PCDHGA6: variants seen among roughly 807,000 people sequenced by gnomAD.
The protein encoded by PCDHGA6 is protocadherin gamma-A6.
Under a neutral mutation model 60.6 loss-of-function variants are expected in PCDHGA6, and 41 were observed. The ratio of observed to expected loss-of-function variants is 0.68; its 90% CI spans 0.53 to 0.88. PCDHGA6 has a LOEUF of 0.88. Ranked by LOEUF, PCDHGA6 falls within the 40% of genes least tolerant of loss-of-function variation. The pLI, the probability that PCDHGA6 is intolerant of heterozygous loss-of-function variation, is 0.00. For synonymous variants in PCDHGA6, 594 were observed against 524.4 expected (o/e 1.13, Z -1.81); for missense variants, 1,312 against 1,203.0 (o/e 1.09, Z -1.34).
intron 1 of PCDHGA6, chr5:141,420,076 T>C (rs764381539): frequency 3.3e-5 from 53 of 1,613,956 alleles, no homozygotes; most frequent in Non-Finnish European, 4.5e-5. Context: ...GACCTGTGGG[T>C]CCCCCCAACT....
chr5:141,430,485 G>T (rs926788879), intron 1 of PCDHGA6: 2 of 252,972 alleles, frequency 7.9e-6, no homozygotes, highest in Non-Finnish European at 7.4e-6. Flanking sequence ...ATATAAAAAC[G>T]AAATATCCTT....
At chr5:141,413,229 C>A in intron 1 of PCDHGA6, 1 of 1,613,914 alleles carries the variant, frequency 6.2e-7, no homozygotes, top group South Asian at 1.1e-5. Context: ...GCGGGCTGGT[C>A]CTGCTCTGCC....
At chr5:141,393,754 T>G in intron 1 of PCDHGA6, 1 of 1,613,892 alleles carries the variant, frequency 6.2e-7, no homozygotes, top group Non-Finnish European at 8.5e-7. Flanking sequence ...GAATGTTCAT[T>G]TTATGAAATG....
At position 141,373,942 on chromosome 5, in the gene PCDHGA6, G is replaced by A. The variant is rs915722802; in HGVS notation, c.-142G>A. 1.4e-6 allele frequency: 1 copy of A among 734,324 alleles called. No individual in the cohort carries two copies. Among genetic ancestry groups the A allele is most frequent in the African/African-American group, 1.8e-5 (1 of 55,642 alleles). The allele number at this position is 734,324 out of a possible 1,614,324, so 45.5% of individuals were successfully genotyped here. ...AATTAGACGGGAAAGCAGGAAAGCT[G>A]TGCAGAAATTCTGACCTGAAACGCT... On this transcript the variant is annotated 5_prime_UTR_variant, in exon 1 of 4. In the 5' UTR this introduces an upstream ATG that the reference lacks. Coordinates refer to ENST00000517434, the MANE Select transcript of PCDHGA6 (RefSeq NM_018919.3).
chr5:141,455,055 G>T (rs1019622889), intron 1 of PCDHGA6, among the ~76,000 whole-genome samples: 1 of 151,602 alleles, frequency 6.6e-6, no homozygotes, highest in African/African-American at 2.4e-5. Flanking sequence ...CTCGTGATCC[G>T]CCCGCCTCGG....
intron 1 of PCDHGA6, among the ~76,000 whole-genome samples, chr5:141,444,395 T>A (rs960583048): frequency 1.3e-5 from 2 of 151,996 alleles, no homozygotes; most frequent in Non-Finnish European, 2.9e-5. Context: ...AGTCTTGAAC[T>A]CCCAACCTCA....
intron 1 of PCDHGA6, chr5:141,377,929 C>T: frequency 6.6e-6 from 1 of 152,184 alleles, no homozygotes; most frequent in East Asian, 1.9e-4. Flanking sequence ...CCACCTGTAA[C>T]TGCTGCTTAT....
At chr5:141,421,827 C>A in intron 1 of PCDHGA6, 1 of 1,613,802 alleles carries the variant, frequency 6.2e-7, no homozygotes, top group Non-Finnish European at 8.5e-7. Flanking sequence ...TGGAGGGAAG[C>A]CTGGACCGAG....
chr5:141,414,434 C>T (rs774467993), intron 1 of PCDHGA6: 5 of 1,613,704 alleles, frequency 3.1e-6, no homozygotes, highest in Non-Finnish European at 3.4e-6. Context: ...GAACAGGTAT[C>T]CTCTTACAAT....
intron 1 of PCDHGA6, chr5:141,378,193 TA>T (rs376966694): frequency 7.2e-5 from 11 of 152,366 alleles, no homozygotes; most frequent in Middle Eastern, 3.4e-3. Context: ...GTGTGCCTAC[TA>T]CAGTGTCTTT....
At chr5:141,399,063 A>G (rs762517133) in intron 1 of PCDHGA6, 1 of 1,613,714 alleles carries the variant, frequency 6.2e-7, no homozygotes, top group South Asian at 1.1e-5. Flanking sequence ...AGGAATATTC[A>G]ATGGTTGTAG....
intron 1 of PCDHGA6, chr5:141,433,358 C>CCTATCTATCTATCTATCTATCTAT: frequency 9.9e-6 from 5 of 503,368 alleles, no homozygotes; most frequent in South Asian, 2.6e-5. Flanking sequence ...CTACTGTCTG[C>CCTATCTATCTATCTATCTATCTAT]CTATCTATCT....
Position 141,485,931 on chromosome 5 carries a change from A to C in PCDHGA6, c.2425-8876A>C, listed in dbSNP as rs761979804. 3 of 1,614,192 alleles carry C rather than the reference A, an allele frequency of 1.9e-6. No individual in the cohort carries two copies. In the South Asian group the frequency reaches 3.3e-5, roughly 18 times the overall value. On this transcript the variant is annotated intron_variant, in intron 1 of 3. Transcript: ENST00000517434. This position sits in a 1 kb window ranked among gnomAD's most constrained non-coding sequence, Gnocchi z 5.7. Reference sequence around the variant, plus strand: ...TCCAGCTACAGGATTAGTGTGTTGGAGAGCGCACCAGCGGGCATGGTGCTC... The same window carrying C: ...TCCAGCTACAGGATTAGTGTGTTGGCGAGCGCACCAGCGGGCATGGTGCTC...
At chr5:141,421,828 C>T in intron 1 of PCDHGA6, 1 of 1,613,796 alleles carries the variant, frequency 6.2e-7, no homozygotes, top group Non-Finnish European at 8.5e-7. Context: ...GGAGGGAAGC[C>T]TGGACCGAGA....
intron 1 of PCDHGA6, among the ~76,000 whole-genome samples, chr5:141,480,115 G>A (rs1164458958): frequency 6.6e-6 from 1 of 152,110 alleles, no homozygotes; most frequent in African/African-American, 2.4e-5. Flanking sequence ...CATGGTGCCT[G>A]GCATATCATA....
At chr5:141,480,221 T>C (rs2099514536) in intron 1 of PCDHGA6, among the ~76,000 whole-genome samples, 1 of 149,748 alleles carries the variant, frequency 6.7e-6, no homozygotes, top group Admixed American at 6.7e-5. Context: ...CTGAGCGACA[T>C]AGTGAGATCC....
chr5:141,509,810 G>T (rs1272295976), intron 3 of PCDHGA6, among the ~76,000 whole-genome samples: 1 of 152,154 alleles, frequency 6.6e-6, no homozygotes, highest in East Asian at 1.9e-4. Flanking sequence ...ATAGAGCCGA[G>T]CTCTTCTCCA....
intron 1 of PCDHGA6, chr5:141,428,461 G>A: frequency 2.8e-6 from 1 of 352,014 alleles, no homozygotes; most frequent in South Asian, 2.8e-5. Flanking sequence ...CAACTACAAT[G>A]AGGGAACTTT....
Position 141,387,739 on chromosome 5 carries a change from C to A in PCDHGA6, c.2424+11232C>A, listed in dbSNP as rs182945836. 5.0e-3 allele frequency: 6,618 copies of A among 1,328,550 alleles called. 35 individuals are homozygous for A. Among genetic ancestry groups the A allele is most frequent in the Admixed American group, 0.01 (369 of 36,562 alleles). The allele number at this position is 1,328,550 out of a possible 1,614,324, so 82.3% of individuals were successfully genotyped here. ...AGACTCCCCAGCGCCAGCCTTTACA[C>A]CGCTTCCTCCTCGGAAAAAGAAGAA... On this transcript the variant is annotated intron_variant, in intron 1 of 3. Transcript: ENST00000517434.
Sources: allele counts gnomAD v4.1 joint callset (sites outside exome capture counted in the v4.1 genomes callset), GRCh38; gene constraint gnomAD v4.1.1; non-coding constraint Gnocchi (gnomAD v3.1); transcripts MANE v1.5; gene names NCBI Gene and HGNC (gene_info 2026-07-23, HGNC 2026-07-21).